Variants in GK5 observed in about 807,000 individuals in gnomAD.
The protein encoded by GK5 is ATP:glycerol 3-phosphotransferase 5.
GK5 carries 39 observed loss-of-function variants against 77.3 expected under a neutral mutation model. The ratio of observed to expected loss-of-function variants is 0.50; its 90% CI spans 0.39 to 0.66. GK5 has a LOEUF of 0.66. Among genes scored for constraint, GK5 ranks in the 30% least tolerant of loss-of-function variants. The pLI is 0.00. For synonymous variants in GK5, 211 were observed against 208.0 expected (o/e 1.01, Z -0.13); for missense variants, 487 against 633.8 (o/e 0.77, Z 2.49).
rs2063552381 is a variant in GK5 at position 142,172,475 on chromosome 3, A to C, written c.1144-19T>G. The C allele has an allele frequency of 7.7e-7, 1 of 1,297,160 alleles. No homozygotes were observed. Among genetic ancestry groups the C allele is most frequent in the Non-Finnish European group, 1.1e-6 (1 of 907,010 alleles). 80.4% of individuals were successfully genotyped at this position (1,297,160 alleles called of 1,614,324 possible). Reference sequence around the variant, plus strand: ...ATGGAGCCTACAGTAAGAGATAACAAGAATATATTATTATTATTCTAAATT... The same window carrying C: ...ATGGAGCCTACAGTAAGAGATAACACGAATATATTATTATTATTCTAAATT... On this transcript the variant is annotated intron_variant, in intron 12 of 15. Transcript: ENST00000392993.
chr3:142,174,153 T>C (rs1252576437), intron 12 of GK5, among the ~76,000 whole-genome samples: 3 of 152,208 alleles, frequency 2.0e-5, no homozygotes, highest in Admixed American at 2.0e-4. Flanking sequence ...TCCGATGTAC[T>C]CCCAGTGTGT....
rs1371933884 is a variant in GK5, at chr3:142,158,685, T to C, written c.*6937A>G. ...TTACTGAGGCATACAAATTGGAATC[T>C]ACATTTACCATCTTGTACAAATAGG... is the stretch of plus-strand genomic sequence containing the variant. On this transcript the variant is annotated 3_prime_UTR_variant, in exon 16 of 16. Transcript: ENST00000392993. 3 of 152,640 alleles carry C rather than the reference T, an allele frequency of 2.0e-5. No homozygotes were observed. The highest frequency in any genetic ancestry group is 2.9e-5 in the Non-Finnish European group (2 of 68,034). The allele number at this position is 152,640 out of a possible 1,614,324, so 9.5% of individuals were successfully genotyped here. A position where few individuals can be genotyped will look rare whatever the true frequency, so the allele number is the denominator to read the frequency against.
chr3:142,176,199 T>G (rs1327835191), intron 12 of GK5, among the ~76,000 whole-genome samples: 11 of 152,140 alleles, frequency 7.2e-5, no homozygotes, highest in Non-Finnish European at 1.3e-4. Context: ...AATGCTCATT[T>G]TAAAATCTAG....
At chr3:142,219,827 G>C (rs1203218628) in intron 1 of GK5, among the ~76,000 whole-genome samples, 2 of 152,018 alleles carry the variant, frequency 1.3e-5, no homozygotes, top group African/African-American at 2.4e-5. Flanking sequence ...ATACAAAAAG[G>C]GTGTAGTGGC....
At chr3:142,172,323 G>T in intron 13 of GK5, 30 bp downstream of exon 13, 1 of 1,026,172 alleles carries the variant, frequency 9.7e-7, no homozygotes, top group Non-Finnish European at 1.5e-6. Flanking sequence ...ATTCTATGGG[G>T]AAGGGGAAGT....
chr3:142,187,604 CAAAAAAA>C, intron 6 of GK5, 93 bp downstream of exon 6: 2 of 658,310 alleles, frequency 3.0e-6, no homozygotes, highest in Non-Finnish European at 4.8e-6. Flanking sequence ...GACCCTAGCT[CAAAAAAA>C]AAAAAAAAAA....
chr3:142,190,897 A>G (rs576543334), intron 5 of GK5, among the ~76,000 whole-genome samples: 75 of 152,358 alleles, frequency 4.9e-4, no homozygotes, highest in South Asian at 3.7e-3. Flanking sequence ...TGCAAAAGAC[A>G]TAACTGTATA....
Position 142,165,687 on chromosome 3 carries a change from C to G in GK5, c.1525G>C (p.Glu509Gln). 1.2e-6 allele frequency: 2 copies of G among 1,613,214 alleles called. No homozygotes were observed. The highest frequency in any genetic ancestry group is 2.2e-5 in the South Asian group (2 of 90,952). Residue 509 changes from glutamate to glutamine, a missense_variant, in exon 16 of 16, where the codon GAA becomes CAA. Around this residue, in one of 4 missense-constraint regions of GK5, gnomAD observed 65 missense variants for 89.9 expected, o/e 0.72. Coordinates refer to ENST00000392993, the MANE Select transcript of GK5 (RefSeq NM_001039547.3). ...TTGGCCCAGTTTTCCAGACTCATTT[C>G]ATATTCTTGACATTTCTTCTGTGGC... ...FKPQKKCQEY[E>Q]MSLENWAKAV...
At chr3:142,179,556 A>C (rs1560214169) in intron 11 of GK5, among the ~76,000 whole-genome samples, 1 of 152,208 alleles carries the variant, frequency 6.6e-6, no homozygotes, top group Non-Finnish European at 1.5e-5. Context: ...TTTTTAATGA[A>C]TCTTGTCCAA....
intron 1 of GK5, among the ~76,000 whole-genome samples, chr3:142,221,427 A>T (rs1234667695): frequency 6.6e-6 from 1 of 152,232 alleles, no homozygotes; most frequent in Non-Finnish European, 1.5e-5. Flanking sequence ...ACCAATCAGG[A>T]TGTCACATAC....
chr3:142,174,236 A>G (rs558736527), intron 12 of GK5, among the ~76,000 whole-genome samples: 29 of 152,314 alleles, frequency 1.9e-4, no homozygotes, highest in African/African-American at 6.7e-4. Flanking sequence ...TGAACAAACA[A>G]TATTTTTCTT....
chr3:142,170,075 A>G (rs963255034), intron 15 of GK5: 6 of 545,132 alleles, frequency 1.1e-5, no homozygotes, highest in African/African-American at 1.9e-5. Context: ...AGACTGACGC[A>G]GCTGAGAATT....
chr3:142,191,130 C>A (rs987464693), intron 5 of GK5, among the ~76,000 whole-genome samples: 16 of 151,980 alleles, frequency 1.1e-4, no homozygotes, highest in African/African-American at 3.9e-4. Context: ...GCAACCTCCA[C>A]CTCCCCGGTT....
chr3:142,203,062 T>C (rs1308894962), intron 4 of GK5, among the ~76,000 whole-genome samples: 2 of 152,184 alleles, frequency 1.3e-5, no homozygotes, highest in Non-Finnish European at 2.9e-5. Context: ...TAAAGAATGT[T>C]TGATGAACTA....
At chr3:142,171,026 C>G (rs1156967230) in intron 14 of GK5, among the ~76,000 whole-genome samples, 1 of 152,080 alleles carries the variant, frequency 6.6e-6, no homozygotes, top group Non-Finnish European at 1.5e-5. Context: ...GTCAGGAGTT[C>G]AATACCACCC....
chr3:142,194,970 C>T (rs2107785032), intron 5 of GK5, among the ~76,000 whole-genome samples: 1 of 151,790 alleles, frequency 6.6e-6, no homozygotes, highest in Admixed American at 6.6e-5. Context: ...AGGAGAAAAA[C>T]ATTCAGTTTT....
At chr3:142,185,066 C>T (rs2063749971) in intron 9 of GK5, 2 of 985,278 alleles carry the variant, frequency 2.0e-6, no homozygotes, top group Non-Finnish European at 2.4e-6. Context: ...GTGGTCTCTA[C>T]CTCCTGCTTA....
intron 5 of GK5, among the ~76,000 whole-genome samples, chr3:142,192,282 C>T (rs1054429090): frequency 1.3e-5 from 2 of 152,230 alleles, no homozygotes; most frequent in African/African-American, 4.8e-5. Context: ...GACACAGCTA[C>T]TTTGGAGGAT....
intron 4 of GK5, among the ~76,000 whole-genome samples, chr3:142,200,724 C>G (rs948795832): frequency 6.6e-6 from 1 of 152,176 alleles, no homozygotes; most frequent in Non-Finnish European, 1.5e-5. Context: ...AAAAATATTA[C>G]AAGCTCTAAT....
Sources: gnomAD v4.1 joint callset for allele counts (sites outside exome capture counted in the v4.1 genomes callset) on GRCh38, gnomAD v4.1.1 for gene constraint, gnomAD v4.1.1 regional missense constraint, MANE v1.5 for transcripts, NCBI Gene and HGNC (gene_info 2026-07-23, HGNC 2026-07-21) for gene names.